Variants in PHF19 observed in about 807,000 individuals in gnomAD.
PHF19 encodes the protein PHD finger protein 19.
PHF19 carries 21 observed loss-of-function variants against 79.8 expected under a neutral mutation model. That is an observed-to-expected ratio of 0.26 (90% confidence interval 0.19 to 0.38). The LOEUF is 0.38. Among genes scored for constraint, PHF19 ranks in the 10% least tolerant of loss-of-function variants. The pLI, the probability that PHF19 is intolerant of heterozygous loss-of-function variation, is 1.00. For missense variants in PHF19, 445 were observed against 744.2 expected (o/e 0.60, Z 4.68); for synonymous variants, 273 against 296.3 (o/e 0.92, Z 0.81).
chr9:120,889,178 A>C (rs1268603033), intron 1 of PHF19, among the ~76,000 whole-genome samples: 2 of 152,334 alleles, frequency 1.3e-5, no homozygotes, highest in South Asian at 2.1e-4. Flanking sequence ...TTGTAATCCC[A>C]GCACTTTAGG....
Position 120,862,499 on chromosome 9 carries a change from C to G in PHF19, c.1130+89G>C. On this transcript the variant is annotated intron_variant, in intron 11 of 14. Coordinates refer to ENST00000373896, the MANE Select transcript of PHF19 (RefSeq NM_015651.3). The surrounding 1 kb of genome is among the most constrained non-coding windows in gnomAD (Gnocchi z 4.6). ...CCCTCTCAGGGTCCTACAGCTGGGA[C>G]TGGCTGGGTGCAGGTCCTCCTTGCT... The G allele has an allele frequency of 3.4e-6, 4 of 1,163,978 alleles. No individual in the cohort carries two copies. The highest frequency in any genetic ancestry group is 1.3e-5 in the South Asian group (1 of 76,700). 72.1% of individuals were successfully genotyped at this position (1,163,978 alleles called of 1,614,324 possible). A position where few individuals can be genotyped will look rare whatever the true frequency, so the allele number is the denominator to read the frequency against.
At chr9:120,883,715 C>T (rs1030817282) in intron 1 of PHF19, among the ~76,000 whole-genome samples, 1 of 145,994 alleles carries the variant, frequency 6.8e-6, no homozygotes, top group Non-Finnish European at 1.5e-5. Context: ...GCTGAGATCA[C>T]ACCGTGCACT....
chr9:120,876,482 G>A (rs1253570680), intron 1 of PHF19: 1 of 151,750 alleles, frequency 6.6e-6, no homozygotes, highest in Non-Finnish European at 1.5e-5. Context: ...TCCTCCCGGA[G>A]CGGGCCCCCG....
At chr9:120,885,581 A>C (rs1349686471) in intron 1 of PHF19, among the ~76,000 whole-genome samples, 98 of 15,204 alleles carry the variant, frequency 6.4e-3, no homozygotes, top group Middle Eastern at 0.056. Context: ...CTATCTTGGA[A>C]AAAAAAAAAA....
At chr9:120,885,549 G>C (rs547393521) in intron 1 of PHF19, among the ~76,000 whole-genome samples, 1 of 147,904 alleles carries the variant, frequency 6.8e-6, no homozygotes, top group South Asian at 2.2e-4. Context: ...CTGCACTCCA[G>C]CCTGGGTGAC....
chr9:120,869,157 G>C lies in PHF19; in HGVS notation c.614+25C>G, dbSNP rs776363594. The C allele has an allele frequency of 3.8e-6, 6 of 1,584,780 alleles. No individual in the cohort carries two copies. The East Asian group carries it at 1.1e-4, about 30-fold the overall frequency. On this transcript the variant is annotated intron_variant, in intron 6 of 14. Transcript: ENST00000373896. The surrounding 1 kb of genome is among the most constrained non-coding windows in gnomAD (Gnocchi z 5.8). Reference sequence around the variant, plus strand: ...TTCTTGGAGACCTGCCCTGCCGCCCGGGGGGCCCTGACCCCCTGCCTTACT... The same window carrying C: ...TTCTTGGAGACCTGCCCTGCCGCCCCGGGGGCCCTGACCCCCTGCCTTACT...
chr9:120,868,423 T>G (rs2045770875), intron 6 of PHF19: 5 of 152,298 alleles, frequency 3.3e-5, no homozygotes, highest in Admixed American at 3.3e-4. Context: ...CTGCTCATAA[T>G]CACCACATGA....
At chr9:120,868,898 G>T in intron 6 of PHF19, 1 of 778,328 alleles carries the variant, frequency 1.3e-6, no homozygotes, top group Non-Finnish European at 1.5e-6. Flanking sequence ...CCCGCCCCCC[G>T]AGGCCCCGCC....
At chr9:120,899,135 G>T (rs2046422163), upstream of PHF19, among the ~76,000 whole-genome samples, 1 of 151,028 alleles carries the variant, frequency 6.6e-6, no homozygotes, top group Non-Finnish European at 1.5e-5. Flanking sequence ...GGAGGCAGAG[G>T]TTGCAGTGAG....
rs881310 is a variant in PHF19 at position 120,891,320 on chromosome 9, G to A, written c.42+3468C>T. On this transcript the variant is annotated intron_variant, in intron 1 of 14. Coordinates refer to the PHF19 transcript ENST00000616568. The surrounding 1 kb of genome is among the most constrained non-coding windows in gnomAD (Gnocchi z 4.3). ...CTCCCCTCCCCTCTCTGAGGAACTT[G>A]GTCCAGCTACAGTCAATATCTAGAG... 0.023 allele frequency among the ~76,000 whole-genome samples: 3,485 copies of A among 150,136 alleles called. 125 individuals carry two copies. The highest frequency in any genetic ancestry group is 0.081 in the African/African-American group (3,305 of 40,752).
At chr9:120,861,033 C>A in intron 13 of PHF19, 56 bp downstream of exon 13, 1 of 1,017,496 alleles carries the variant, frequency 9.8e-7, no homozygotes, top group Non-Finnish European at 1.6e-6. Flanking sequence ...TGGCTTTCTG[C>A]TTGGTTCCCT....
intron 9 of PHF19, 105 bp downstream of exon 9, chr9:120,865,605 C>A: frequency 1.5e-6 from 2 of 1,371,254 alleles, no homozygotes. Context: ...AGGGATGCAG[C>A]AACTCAAGGG....
At chr9:120,864,756 G>C (rs1263264217) in intron 9 of PHF19, among the ~76,000 whole-genome samples, 18 of 152,074 alleles carry the variant, frequency 1.2e-4, no homozygotes, top group Non-Finnish European at 2.4e-4. Context: ...CTAAAAAAAA[G>C]ATTATTTAAA....
At chr9:120,881,737 G>A (rs979673011), upstream of PHF19, among the ~76,000 whole-genome samples, 1 of 152,100 alleles carries the variant, frequency 6.6e-6, no homozygotes, top group South Asian at 2.1e-4. Flanking sequence ...GTCCCCTCAT[G>A]CATGGGACTG....
In PHF19 at chr9:120,860,307, G is replaced by A. The variant is rs770991093; in HGVS notation, c.1305-122C>T. On this transcript the variant is annotated intron_variant, in intron 13 of 14. Coordinates refer to ENST00000373896, the MANE Select transcript of PHF19 (RefSeq NM_015651.3). The surrounding 1 kb of genome is among the most constrained non-coding windows in gnomAD (Gnocchi z 4.1). Reference sequence around the variant, plus strand: ...AGTGGAGGCCCGTCTTCCCACAGCTGAGCTTCCCACCACCACACCTGTCTG... The same window carrying A: ...AGTGGAGGCCCGTCTTCCCACAGCTAAGCTTCCCACCACCACACCTGTCTG... 2.3e-4 allele frequency: 149 copies of A among 650,360 alleles called. No individual in the cohort carries two copies. Among genetic ancestry groups the A allele is most frequent in the South Asian group, 3.3e-4 (20 of 60,226 alleles). The allele number at this position is 650,360 out of a possible 1,614,324, so 40.3% of individuals were successfully genotyped here. A position where few individuals can be genotyped will look rare whatever the true frequency, so the allele number is the denominator to read the frequency against.
chr9:120,881,357 C>A (rs2046181600), upstream of PHF19, among the ~76,000 whole-genome samples: 2 of 152,170 alleles, frequency 1.3e-5, no homozygotes, highest in African/African-American at 4.8e-5. Flanking sequence ...CCGTGTTAGC[C>A]AAGATGGTCT....
chr9:120,869,878 G>A lies in PHF19; in HGVS notation c.432C>T (p.Phe144=). ...SADQPLLTPW[F]CRRCIFALAV... ...CCAGTGCGAAGATGCAGCGTCGGCA[G>A]AACCAAGGTGTGAGCAGGGGCTGGT... The change falls in exon 5 of 15, where the codon TTC becomes TTT. Residue 144 remains phenylalanine (F), a synonymous_variant. Coordinates refer to ENST00000373896, the MANE Select transcript of PHF19 (RefSeq NM_015651.3). The surrounding 1 kb of genome is among the most constrained non-coding windows in gnomAD (Gnocchi z 5.8). 7 of 1,609,806 alleles carry A rather than the reference G, an allele frequency of 4.3e-6. No homozygotes were observed. The highest frequency in any genetic ancestry group is 5.1e-6 in the Non-Finnish European group (6 of 1,178,214).
rs1402886372 is a variant in PHF19 at position 120,860,405 on chromosome 9, C to G, written c.1305-220G>C. 2 of 528,726 alleles carry G rather than the reference C, an allele frequency of 3.8e-6. No homozygotes were observed. The highest frequency in any genetic ancestry group is 1.9e-5 in the African/African-American group (1 of 52,204). 32.8% of individuals were successfully genotyped at this position (528,726 alleles called of 1,614,324 possible). A position where few individuals can be genotyped will look rare whatever the true frequency, so the allele number is the denominator to read the frequency against. ...CTGGAGCACCCTCCCCTGGCGGTGA[C>G]GTAAGCACTGGTGTCAATAACTCGA... On this transcript the variant is annotated intron_variant, in intron 13 of 14. Transcript: ENST00000373896. The surrounding 1 kb of genome is among the most constrained non-coding windows in gnomAD (Gnocchi z 4.1).
Position 120,856,633 on chromosome 9 carries a change from G to A in PHF19, c.*1311C>T, listed in dbSNP as rs2045366443. 1 of 152,490 alleles carries A rather than the reference G, an allele frequency of 6.6e-6. No homozygotes were observed. The highest frequency in any genetic ancestry group is 2.1e-4 in the South Asian group (1 of 4,836). 9.4% of individuals were successfully genotyped at this position (152,490 alleles called of 1,614,324 possible). ...CCTCCAGATGAGGCAGAATTTGAAT[G>A]TTGGTTCCAAAAATTCTCTTTCAAA... is the stretch of plus-strand genomic sequence containing the variant. On this transcript the variant is annotated 3_prime_UTR_variant, in exon 15 of 15. Coordinates refer to ENST00000373896, the MANE Select transcript of PHF19 (RefSeq NM_015651.3).
Sources: allele counts gnomAD v4.1 joint callset (sites outside exome capture counted in the v4.1 genomes callset), GRCh38; gene constraint gnomAD v4.1.1; non-coding constraint Gnocchi (gnomAD v3.1); transcripts MANE v1.5; gene names NCBI Gene and HGNC (gene_info 2026-07-23, HGNC 2026-07-21).